The following WDFY3 variants were observed in gnomAD, a reference collection of about 807,000 sequenced individuals.
WDFY3 encodes the protein WD repeat and FYVE domain-containing protein 3.
Under a neutral mutation model 409.6 loss-of-function variants are expected in WDFY3, and 66 were observed. That is an observed-to-expected ratio of 0.16 (90% confidence interval 0.13 to 0.20). WDFY3 has a LOEUF of 0.20. Among genes scored for constraint, WDFY3 ranks in the 10% least tolerant of loss-of-function variants. The pLI, the probability that WDFY3 is intolerant of heterozygous loss-of-function variation, is 1.00. For missense variants in WDFY3, 3,031 were observed against 4,298.1 expected, an observed-to-expected ratio of 0.71 and a Z score of 8.24; for synonymous variants, 1,521 against 1,537.1, an observed-to-expected ratio of 0.99 and a Z score of 0.25.
At chr4:84,714,716 C>T (rs927835256) in intron 50 of WDFY3, among the ~76,000 whole-genome samples, 17 of 152,008 alleles carry the variant, frequency 1.1e-4, no homozygotes, top group Non-Finnish European at 1.8e-4. Flanking sequence ...TTTGGGAGGC[C>T]GAGGTGGGCA....
rs577116650 is a variant in WDFY3, at chr4:84,730,946, C to T, written c.7221+2436G>A. On this transcript the variant is annotated intron_variant, in intron 44 of 67. Transcript: ENST00000295888. ...CCGAGTAGCTGGGATTACAGGCATG[C>T]GCCACCACACTTGGCTAATTTTCTA... 1.1e-3 allele frequency among the ~76,000 whole-genome samples: 168 copies of T among 152,106 alleles called. 2 individuals carry two copies. Among genetic ancestry groups the T allele is most frequent in the African/African-American group, 3.6e-3 (150 of 41,498 alleles).
chr4:84,718,193 A>G (rs1177323083), intron 48 of WDFY3, among the ~76,000 whole-genome samples: 3 of 151,996 alleles, frequency 2.0e-5, no homozygotes, highest in African/African-American at 7.2e-5. Flanking sequence ...CTCAGAATGC[A>G]CAGAAATAAA....
chr4:84,964,393 C>G (rs1191174992), intron 1 of WDFY3, among the ~76,000 whole-genome samples: 6 of 152,194 alleles, frequency 3.9e-5, no homozygotes, highest in Non-Finnish European at 1.5e-5. Flanking sequence ...CACTCGGGCC[C>G]AGAAGTTCAA....
At chr4:84,912,659 G>A (rs1767944090) in intron 2 of WDFY3, among the ~76,000 whole-genome samples, 1 of 151,912 alleles carries the variant, frequency 6.6e-6, no homozygotes, top group Non-Finnish European at 1.5e-5. Context: ...AGAGGCAACA[G>A]ACAAGTTCCC....
rs1734328631 is a variant in WDFY3, at chr4:84,718,517, C to A, written c.7659G>T (p.Gly2553=). 3.1e-6 allele frequency: 5 copies of A among 1,613,914 alleles called. No homozygotes were observed. Among genetic ancestry groups the A allele is most frequent in the Admixed American group, 1.7e-5 (1 of 59,998 alleles). The change falls in exon 48 of 68, where the codon GGG becomes GGT. Residue 2553 remains glycine, a synonymous_variant. Coordinates refer to ENST00000295888, the MANE Select transcript of WDFY3 (RefSeq NM_014991.6). The part of the protein sequence containing the change: ...ARVQGLDTSE[G]LLLFGKEHFY... Reference sequence around the variant, plus strand: ...AATGCTCTTTACCAAAAAGAAGGAGCCCCTCACTGGTATCTAGGCCCTGGA... The same window carrying A: ...AATGCTCTTTACCAAAAAGAAGGAGACCCTCACTGGTATCTAGGCCCTGGA...
chr4:84,740,230 T>C lies in WDFY3; in HGVS notation c.6421A>G (p.Ile2141Val), dbSNP rs749857537. 5 of 1,614,016 alleles carry C rather than the reference T, an allele frequency of 3.1e-6. No homozygotes were observed. The highest frequency in any genetic ancestry group is 2.2e-5 in the East Asian group (1 of 44,874). The change falls in exon 39 of 68, where the codon ATT becomes GTT. Residue 2141 changes from isoleucine to valine, a missense_variant. Transcript: ENST00000295888. ...ATCAAGCAGTGGGCCAGACAGCTAA[T>C]GAATTCTTGGTCATGGTTCCCAGGT... ...LGPGNHDQEF[I>V]SCLAHCLINL...
intron 24 of WDFY3, 103 bp downstream of exon 24, chr4:84,785,876 G>T: frequency 7.1e-7 from 1 of 1,403,040 alleles, no homozygotes; most frequent in Non-Finnish European, 9.7e-7. Flanking sequence ...TGAAAGGCAT[G>T]ATTTTTAGCA....
At chr4:84,827,096 A>C in intron 9 of WDFY3, 115 bp from the exon 10 acceptor site, 1 of 1,067,500 alleles carries the variant, frequency 9.4e-7, no homozygotes, top group African/African-American at 1.7e-5. Flanking sequence ...GTACTCTGGG[A>C]AGTACTGAAA....
Position 84,709,245 on chromosome 4 carries a change from A to C in WDFY3, c.8097+48T>G. ...AAGTGCTTTTAACTGTATGACTTCT[A>C]CTCTAATTACGAACTTCTAAGGAAG... On this transcript the variant is annotated intron_variant, in intron 52 of 67. Coordinates refer to ENST00000295888, the MANE Select transcript of WDFY3 (RefSeq NM_014991.6). The C allele has an allele frequency of 2.6e-6, 4 of 1,542,638 alleles. No individual in the cohort carries two copies. The South Asian group carries it at 4.7e-5, about 18-fold the overall frequency.
At chr4:84,788,105 G>A (rs1200740491) in intron 22 of WDFY3, among the ~76,000 whole-genome samples, 2 of 152,146 alleles carry the variant, frequency 1.3e-5, no homozygotes, top group Admixed American at 1.3e-4. Context: ...TTCAATGTGA[G>A]TCTGTTAACT....
At chr4:84,830,584 T>G (rs1161442670) in intron 8 of WDFY3, among the ~76,000 whole-genome samples, 1 of 152,184 alleles carries the variant, frequency 6.6e-6, no homozygotes, top group African/African-American at 2.4e-5. Context: ...ACCAAATAAG[T>G]AGATTGCTTG....
At chr4:84,824,798 C>T (rs552205560) in intron 10 of WDFY3, among the ~76,000 whole-genome samples, 8 of 152,118 alleles carry the variant, frequency 5.3e-5, no homozygotes, top group Non-Finnish European at 1.2e-4. Flanking sequence ...CACATTCTTT[C>T]TATAATGGAA....
At chr4:84,957,280 A>G (rs1774359286) in intron 1 of WDFY3, among the ~76,000 whole-genome samples, 1 of 151,884 alleles carries the variant, frequency 6.6e-6, no homozygotes, top group South Asian at 2.1e-4. Flanking sequence ...AAAAAACAAA[A>G]CTACAAGGCA....
chr4:84,733,505 G>A lies in WDFY3; in HGVS notation c.7098C>T (p.Leu2366=), dbSNP rs780363666. The change falls in exon 44 of 68, where the codon CTC becomes CTT. Residue 2366 remains leucine (L), a synonymous_variant. Transcript: ENST00000295888. ...CTGTCATCTCCAGCATCCACTTGTC[G>A]AGGTGGGAGCCGATGGGAGGGCCCC... The part of the protein sequence containing the change: ...GLWGPPIGSH[L]DKWMLEMTEG... The A allele has an allele frequency of 1.4e-5, 22 of 1,613,726 alleles. No homozygotes were observed. Among genetic ancestry groups the A allele is most frequent in the African/African-American group, 6.7e-5 (5 of 74,836 alleles).
chr4:84,866,039 C>G (rs777402831), intron 3 of WDFY3, among the ~76,000 whole-genome samples: 9 of 152,072 alleles, frequency 5.9e-5, no homozygotes, highest in Admixed American at 3.3e-4. Context: ...CCACTGTACT[C>G]CAGCCTGGGT....
rs1732501126 is a variant in WDFY3, at chr4:84,709,275, T to C, written c.8097+18A>G. 1 of 1,602,576 alleles carries C rather than the reference T, an allele frequency of 6.2e-7. No individual in the cohort carries two copies. The highest frequency in any genetic ancestry group is 1.1e-5 in the South Asian group (1 of 88,374). ...AATTACGAACTTCTAAGGAAGCTCA[T>C]ATATTCATTAAACTTACCTCCCATC... On this transcript the variant is annotated intron_variant, in intron 52 of 67. Coordinates refer to ENST00000295888, the MANE Select transcript of WDFY3 (RefSeq NM_014991.6).
rs972852213 is a variant in WDFY3, at chr4:84,832,911, G to GA, written c.577-1307dup. Among the ~76,000 whole-genome samples, 5 of 150,776 alleles carry GA rather than the reference G, an allele frequency of 3.3e-5. No individual in the cohort carries two copies. The East Asian group carries it at 7.7e-4, about 23-fold the overall frequency. On this transcript the variant is annotated intron_variant, in intron 7 of 67. Transcript: ENST00000295888. ...TTCTTCTCTAAAAAGGACAGTTTTA[G>GA]AAAAAAAAGGAAGTAAAAATAGATC...
intron 1 of WDFY3, among the ~76,000 whole-genome samples, chr4:84,959,529 A>T (rs1402943010): frequency 1.3e-5 from 2 of 152,216 alleles, no homozygotes; most frequent in Non-Finnish European, 2.9e-5. Flanking sequence ...GATAAAAACA[A>T]CTGGACCTGA....
At chr4:84,720,948 G>A (rs77751587) in intron 47 of WDFY3, among the ~76,000 whole-genome samples, 1 of 152,184 alleles carries the variant, frequency 6.6e-6, no homozygotes, top group Non-Finnish European at 1.5e-5. Context: ...ATTGGAGGTT[G>A]AGCAAGAAAT....
Sources: allele counts gnomAD v4.1 joint callset (sites outside exome capture counted in the v4.1 genomes callset), GRCh38; gene constraint gnomAD v4.1.1; transcripts MANE v1.5; gene names NCBI Gene and HGNC (gene_info 2026-07-23, HGNC 2026-07-21).